DOCK4: variants seen among roughly 807,000 people sequenced by gnomAD.
The protein encoded by DOCK4 is dedicator of cytokinesis protein 4.
DOCK4 carries 97 observed loss-of-function variants against 268.1 expected under a neutral mutation model. That is an observed-to-expected ratio of 0.36 (90% CI 0.31 to 0.43). DOCK4 has a LOEUF of 0.43. DOCK4 is among the 20% of genes least tolerant of loss of function. DOCK4 has a pLI of 1.00. For missense variants in DOCK4, 2,145 were observed against 2,455.7 expected (o/e 0.87, Z 2.67); for synonymous variants, 954 against 887.2 (o/e 1.08, Z -1.34).
intron 10 of DOCK4, among the ~76,000 whole-genome samples, chr7:111,944,319 G>A (rs1795441758): frequency 1.3e-5 from 2 of 152,032 alleles, no homozygotes; most frequent in Non-Finnish European, 2.9e-5. Flanking sequence ...ATAAGCTGAT[G>A]ACATTATATA....
Position 112,201,672 on chromosome 7 carries a change from G to T in DOCK4, c.37+4430C>A, listed in dbSNP as rs546186862. On this transcript the variant is annotated intron_variant, in intron 1 of 52. Coordinates refer to ENST00000428084, the MANE Select transcript of DOCK4 (RefSeq NM_001363540.2). Reference sequence around the variant, plus strand: ...GCGGGGTGGGGAGGGGGGAGGAATGGGGGGGTGTGCTAACAGATGAGGACA... The same window carrying T: ...GCGGGGTGGGGAGGGGGGAGGAATGTGGGGGTGTGCTAACAGATGAGGACA... Among the ~76,000 whole-genome samples, 4 of 152,072 alleles carry T rather than the reference G, an allele frequency of 2.6e-5. No homozygotes were observed. The East Asian group carries it at 7.7e-4, about 29-fold the overall frequency.
chr7:111,946,719 T>C (rs1258977225), intron 8 of DOCK4, among the ~76,000 whole-genome samples: 1 of 152,132 alleles, frequency 6.6e-6, no homozygotes, highest in Non-Finnish European at 1.5e-5. Flanking sequence ...GTAGCTGGGA[T>C]TACAGGTGCA....
intron 34 of DOCK4, 94 bp from the exon 35 acceptor site, chr7:111,783,018 G>C (rs200044670): frequency 0.017 from 8,916 of 511,184 alleles, no homozygotes; most frequent in Non-Finnish European, 0.02. Context: ...AAGAAAGAAA[G>C]AAAAAAAAAA....
chr7:111,776,488 G>A (rs1798449319), intron 36 of DOCK4, among the ~76,000 whole-genome samples: 1 of 152,124 alleles, frequency 6.6e-6, no homozygotes, highest in African/African-American at 2.4e-5. Flanking sequence ...TTAGTGATCT[G>A]AAAACAAAGG....
intron 25 of DOCK4, among the ~76,000 whole-genome samples, chr7:111,837,385 T>C (rs1803316666): frequency 6.6e-6 from 1 of 152,196 alleles, no homozygotes; most frequent in African/African-American, 2.4e-5. Flanking sequence ...TATTCAACAT[T>C]GTACTGAAGG....
Position 112,003,363 on chromosome 7 carries a change from G to T in DOCK4, c.121+685C>A, listed in dbSNP as rs145531705. On this transcript the variant is annotated intron_variant, in intron 2 of 52. Coordinates refer to ENST00000428084, the MANE Select transcript of DOCK4 (RefSeq NM_001363540.2). ...TGATCATGCCACTGCACTCCTACCTGGGTGACAAAGGAAGACCCTGTCTCA... is the reference window on the plus strand; with the variant it reads ...TGATCATGCCACTGCACTCCTACCTTGGTGACAAAGGAAGACCCTGTCTCA... Among the ~76,000 whole-genome samples, 207 of 152,242 alleles carry T rather than the reference G, an allele frequency of 1.4e-3. 6 individuals carry two copies. The East Asian group carries it at 0.036, about 27-fold the overall frequency.
At chr7:112,143,274 G>A (rs1294989855) in intron 1 of DOCK4, among the ~76,000 whole-genome samples, 1 of 152,096 alleles carries the variant, frequency 6.6e-6, no homozygotes, top group African/African-American at 2.4e-5. Flanking sequence ...AACAGGAAAA[G>A]GCTAGCTCCA....
At chr7:111,863,220 GA>G in intron 23 of DOCK4, 151 bp downstream of exon 23, 1 of 726,768 alleles carries the variant, frequency 1.4e-6, no homozygotes. Context: ...TTTTGTATTT[GA>G]CTACTAAATA....
chr7:111,770,258 A>G (rs1459254499), intron 36 of DOCK4, among the ~76,000 whole-genome samples: 2 of 151,706 alleles, frequency 1.3e-5, no homozygotes, highest in African/African-American at 4.8e-5. Context: ...AAAAAATCTA[A>G]TAACAGGGTA....
chr7:111,794,219 T>C (rs1563514394), intron 30 of DOCK4, among the ~76,000 whole-genome samples: 2 of 152,150 alleles, frequency 1.3e-5, no homozygotes, highest in Non-Finnish European at 2.9e-5. Context: ...ATCAAATTTA[T>C]AGAAACAGGA....
rs189938039 is a variant in DOCK4, at chr7:111,768,280, T to C, written c.3829-1162A>G. Reference sequence around the variant, plus strand: ...GGACCAATAAATGAATTCAGAGAGTTTGCACCACTTTATCCCACAGGTGGA... The same window carrying C: ...GGACCAATAAATGAATTCAGAGAGTCTGCACCACTTTATCCCACAGGTGGA... On this transcript the variant is annotated intron_variant, in intron 37 of 52. Transcript: ENST00000428084. Among the ~76,000 whole-genome samples, 14 of 152,198 alleles carry C rather than the reference T, an allele frequency of 9.2e-5. No homozygotes were observed. The East Asian group carries it at 2.5e-3, about 27-fold the overall frequency.
intron 8 of DOCK4, among the ~76,000 whole-genome samples, chr7:111,957,478 T>C (rs1796534229): frequency 6.6e-6 from 1 of 152,176 alleles, no homozygotes; most frequent in Non-Finnish European, 1.5e-5. Flanking sequence ...CTTAGAGGTA[T>C]ACTATATAAC....
intron 21 of DOCK4, chr7:111,869,312 T>C: frequency 2.4e-6 from 1 of 415,936 alleles, no homozygotes. Flanking sequence ...TCTCTCCTGC[T>C]CATCTTAGAC....
chr7:111,930,741 T>A (rs1794133827), intron 12 of DOCK4, among the ~76,000 whole-genome samples: 1 of 152,162 alleles, frequency 6.6e-6, no homozygotes. Context: ...AGGTAAGCCA[T>A]GAATGTGCCT....
intron 1 of DOCK4, among the ~76,000 whole-genome samples, chr7:112,027,206 C>G (rs1165873051): frequency 6.6e-6 from 1 of 152,020 alleles, no homozygotes; most frequent in Non-Finnish European, 1.5e-5. Flanking sequence ...TTTCTTTACT[C>G]CTTTTTTTGT....
At chr7:112,024,241 C>T (rs536616285) in intron 1 of DOCK4, among the ~76,000 whole-genome samples, 3 of 152,338 alleles carry the variant, frequency 2.0e-5, no homozygotes, top group African/African-American at 7.2e-5. Context: ...CTGTCTCAGC[C>T]TCCTGGCTTT....
chr7:112,162,745 T>G (rs1030929887), intron 1 of DOCK4, among the ~76,000 whole-genome samples: 11 of 152,198 alleles, frequency 7.2e-5, no homozygotes, highest in Non-Finnish European at 1.5e-4. Flanking sequence ...GGCTAAACTT[T>G]ACCTGATGTT....
intron 1 of DOCK4, among the ~76,000 whole-genome samples, chr7:112,053,237 T>C (rs963060102): frequency 6.6e-6 from 1 of 152,178 alleles, no homozygotes; most frequent in African/African-American, 2.4e-5. Context: ...GTTTATATCC[T>C]ACTCCTCAGA....
chr7:112,069,390 TA>T, intron 1 of DOCK4, among the ~76,000 whole-genome samples: 1 of 152,300 alleles, frequency 6.6e-6, no homozygotes, highest in East Asian at 1.9e-4. Context: ...CCTAATGAGG[TA>T]AGTAGCATCA....
Sources: gnomAD v4.1 joint callset for allele counts (sites outside exome capture counted in the v4.1 genomes callset) on GRCh38, gnomAD v4.1.1 for gene constraint, MANE v1.5 for transcripts, NCBI Gene and HGNC (gene_info 2026-07-23, HGNC 2026-07-21) for gene names.